Variants in ZNF140 observed in about 807,000 individuals in gnomAD.
ZNF140 encodes zinc finger protein 140.
A neutral mutation model predicts 12.9 loss-of-function variants in ZNF140; 13 were observed. That is an observed-to-expected ratio of 1.01 (90% CI 0.66 to 1.60). The LOEUF is 1.60. Ranked by LOEUF, ZNF140 falls within the 40% of genes most tolerant of loss-of-function variation. ZNF140 has a pLI of 0.00. For missense variants in ZNF140, 531 were observed against 548.8 expected (o/e 0.97, Z 0.32); for synonymous variants, 214 against 186.7 (o/e 1.15, Z -1.19).
Position 133,106,261 on chromosome 12 carries a change from G to C in ZNF140, c.984G>C (p.Pro328=), listed in dbSNP as rs529439392. The C allele has an allele frequency of 1.6e-5, 26 of 1,614,072 alleles. No homozygotes were observed. Among genetic ancestry groups the C allele is most frequent in the Non-Finnish European group, 2.2e-5 (26 of 1,180,008 alleles). ...AGAGCATCCATACAACCAAAACCCC[G>C]TATGAATGTAATGAATGTAGGAAAG... ...RHQSIHTTKT[P]YECNECRKAF... The change falls in exon 5 of 5, where the codon CCG becomes CCC. Residue 328 remains proline, a synonymous_variant. Transcript: ENST00000355557.
Position 133,100,160 on chromosome 12 carries a change from GTTTTTTTTTTT to G in ZNF140, c.233-5333_233-5323del, listed in dbSNP as rs58610589. Among the ~76,000 whole-genome samples the G allele has an allele frequency of 6.7e-3, 410 of 60,992 alleles. 3 individuals are homozygous for G. Among genetic ancestry groups the G allele is most frequent in the South Asian group, 0.01 (18 of 1,768 alleles). The allele number at this position is 60,992 out of a possible 152,430, so 40.0% of individuals were successfully genotyped here. A position where few individuals can be genotyped will look rare whatever the true frequency, so the allele number is the denominator to read the frequency against. The stretch of plus-strand genomic sequence containing the variant: ...CATCCAAAAATTTAATGCCTTTTCC[GTTTTTTTTTTT>G]TTTTTTTTTTTTTTTTGGCAGGGTC... On this transcript the variant is annotated intron_variant, in intron 4 of 4. Coordinates refer to ENST00000355557, the MANE Select transcript of ZNF140 (RefSeq NM_003440.4).
In ZNF140 at chr12:133,106,245, A is replaced by G; in HGVS notation, c.968A>G (p.His323Arg). Reference sequence around the variant, plus strand: ...CACCTTACTCGACATCAGAGCATCCATACAACCAAAACCCCGTATGAATGT... The same window carrying G: ...CACCTTACTCGACATCAGAGCATCCGTACAACCAAAACCCCGTATGAATGT... ...FSHLTRHQSIHTTKTPYECNE... is the reference protein window; with the variant it reads ...FSHLTRHQSIRTTKTPYECNE... The change falls in exon 5 of 5, where the codon CAT becomes CGT. Residue 323 changes from histidine (H) to arginine (R), a missense_variant. Coordinates refer to ENST00000355557, the MANE Select transcript of ZNF140 (RefSeq NM_003440.4). 6.2e-7 allele frequency: 1 copy of G among 1,614,248 alleles called. No homozygotes were observed. Among genetic ancestry groups the G allele is most frequent in the Non-Finnish European group, 8.5e-7 (1 of 1,180,044 alleles).
intron 4 of ZNF140, among the ~76,000 whole-genome samples, chr12:133,101,471 G>GTC (rs75963795): frequency 0.19 from 28,677 of 151,992 alleles, 3,448 homozygotes; most frequent in Non-Finnish European, 0.26. Context: ...TTGAGATGGA[G>GTC]TCTCGCTCTG....
chr12:133,083,465 G>C lies in ZNF140; in HGVS notation c.137-1G>C. 1 of 1,610,334 alleles carries C rather than the reference G, an allele frequency of 6.2e-7. No homozygotes were observed. The highest frequency in any genetic ancestry group is 8.5e-7 in the Non-Finnish European group (1 of 1,178,932). On this transcript the variant is annotated splice_acceptor_variant, in intron 3 of 4. Transcript: ENST00000355557. LOFTEE classifies it high-confidence loss of function. ...GAATTTATTTCATTTTCTGCAAGCA[G>C]GTCTTTCCATTTCTAAGCCAGATGT... is the stretch of plus-strand genomic sequence containing the variant.
intron 4 of ZNF140, chr12:133,100,939 A>G: frequency 2.2e-6 from 1 of 450,814 alleles, no homozygotes; most frequent in Non-Finnish European, 4.4e-6. Flanking sequence ...TTTAAACATG[A>G]ATTATTTCTG....
In ZNF140 at chr12:133,106,084, A is replaced by G; in HGVS notation, c.807A>G (p.Gly269=). The G allele has an allele frequency of 6.2e-7, 1 of 1,614,132 alleles. No homozygotes were observed. ...CTCGACATCAAAGAATTCACATAGG[A>G]AAGAAACAATATATATGTAGGAAAT... is the stretch of plus-strand genomic sequence containing the variant. ...NLTRHQRIHI[G]KKQYICRKCG... is the part of the protein sequence containing the mutation. The change falls in exon 5 of 5, where the codon GGA becomes GGG. Residue 269 remains glycine (G), a synonymous_variant. Coordinates refer to ENST00000355557, the MANE Select transcript of ZNF140 (RefSeq NM_003440.4).
intron 4 of ZNF140, among the ~76,000 whole-genome samples, chr12:133,095,741 G>A (rs561006598): frequency 1.3e-5 from 2 of 151,380 alleles, no homozygotes; most frequent in African/African-American, 2.4e-5. Flanking sequence ...GTGAGCAAAA[G>A]AATCTATGTC....
At chr12:133,088,162 A>AAGGG (rs1954740449) in intron 4 of ZNF140, among the ~76,000 whole-genome samples, 1 of 151,676 alleles carries the variant, frequency 6.6e-6, no homozygotes, top group African/African-American at 2.4e-5. Context: ...AGGAAGAAAG[A>AAGGG]AGGGAGGAAG....
chr12:133,082,167 C>G (rs1954524718), intron 2 of ZNF140: 1 of 152,146 alleles, frequency 6.6e-6, no homozygotes, highest in African/African-American at 2.4e-5. Context: ...CAAAATGAGT[C>G]CCTCATTTCA....
At chr12:133,090,789 A>T (rs966363794) in intron 4 of ZNF140, among the ~76,000 whole-genome samples, 1 of 140,242 alleles carries the variant, frequency 7.1e-6, no homozygotes, top group African/African-American at 2.6e-5. Context: ...AGGTCAGCAA[A>T]AAACATGTGA....
At chr12:133,082,928 C>T (rs1954552077) in intron 2 of ZNF140, 175 bp from the exon 3 acceptor site, 1 of 851,056 alleles carries the variant, frequency 1.2e-6, no homozygotes, top group South Asian at 2.4e-5. Context: ...TCCAGTTATA[C>T]AACAAAACAC....
chr12:133,081,379 A>T (rs7968754), intron 2 of ZNF140, 50 bp downstream of exon 2: 65,557 of 218,642 alleles, frequency 0.3, 13,378 homozygotes, highest in African/African-American at 0.37. Flanking sequence ...ATAAATTTTT[A>T]TTTTTTTTTT....
intron 4 of ZNF140, among the ~76,000 whole-genome samples, chr12:133,091,231 C>G (rs1484410544): frequency 1.3e-5 from 2 of 150,478 alleles, no homozygotes; most frequent in Non-Finnish European, 3.0e-5. Flanking sequence ...GTCTCTGCGG[C>G]TTTCTGCAGT....
intron 4 of ZNF140, among the ~76,000 whole-genome samples, chr12:133,096,014 T>A (rs1486378876): frequency 6.6e-6 from 1 of 151,018 alleles, no homozygotes; most frequent in Non-Finnish European, 1.5e-5. Context: ...GAGGCTTTCC[T>A]CTTTTACCAA....
At chr12:133,083,689 G>GTGGCTCAT (rs1954576045) in intron 4 of ZNF140, 128 bp downstream of exon 4, 1 of 852,752 alleles carries the variant, frequency 1.2e-6, no homozygotes, top group South Asian at 1.8e-5. Context: ...GCTAGGCACG[G>GTGGCTCAT]TGGCTCATGC....
intron 4 of ZNF140, among the ~76,000 whole-genome samples, chr12:133,100,270 C>T (rs1325069353): frequency 2.1e-5 from 3 of 140,750 alleles, no homozygotes; most frequent in African/African-American, 5.4e-5. Context: ...TGGGCTTAAG[C>T]GATCCTTTCA....
At chr12:133,088,297 C>T (rs1032493888) in intron 4 of ZNF140, among the ~76,000 whole-genome samples, 6 of 152,248 alleles carry the variant, frequency 3.9e-5, no homozygotes, top group Non-Finnish European at 5.9e-5. Context: ...CCTTGGCATC[C>T]GCTGATTTTT....
intron 4 of ZNF140, among the ~76,000 whole-genome samples, chr12:133,104,546 T>C (rs1272888648): frequency 6.6e-6 from 1 of 152,070 alleles, no homozygotes; most frequent in Non-Finnish European, 1.5e-5. Context: ...AGAGACGGGG[T>C]TTCACTGTGT....
At chr12:133,094,211 C>T (rs1954990097) in intron 4 of ZNF140, among the ~76,000 whole-genome samples, 3 of 145,756 alleles carry the variant, frequency 2.1e-5, no homozygotes, top group African/African-American at 7.9e-5. Flanking sequence ...ACTTGTCTCT[C>T]ATTGGTTGAA....
Sources: gnomAD v4.1 joint callset for allele counts (sites outside exome capture counted in the v4.1 genomes callset) on GRCh38, gnomAD v4.1.1 for gene constraint, MANE v1.5 for transcripts, NCBI Gene and HGNC (gene_info 2026-07-23, HGNC 2026-07-21) for gene names.